The following GRIA1 variants were observed in gnomAD, a reference collection of about 807,000 sequenced individuals.
GRIA1 encodes the protein glutamate ionotropic receptor AMPA type subunit 1.
GRIA1 carries 31 observed loss-of-function variants against 99.2 expected under a neutral mutation model. The ratio of observed to expected loss-of-function variants is 0.31; its 90% CI spans 0.23 to 0.42. The LOEUF is 0.42. Ranked by LOEUF, GRIA1 falls within the 10% of genes least tolerant of loss-of-function variation. GRIA1 has a pLI of 1.00. For synonymous variants in GRIA1, 438 were observed against 432.4 expected, an observed-to-expected ratio of 1.01 and a Z score of -0.16; for missense variants, 782 against 1,157.5, an observed-to-expected ratio of 0.68 and a Z score of 4.71.
intron 15 of GRIA1, among the ~76,000 whole-genome samples, chr5:153,805,405 CT>C (rs1253003688): frequency 2.0e-5 from 3 of 152,158 alleles, no homozygotes; most frequent in Non-Finnish European, 4.4e-5. Flanking sequence ...AGGAGAAAAT[CT>C]CTTACAGGAT....
intron 2 of GRIA1, among the ~76,000 whole-genome samples, chr5:153,560,995 G>A (rs1245219375): frequency 2.6e-5 from 4 of 152,114 alleles, no homozygotes; most frequent in Non-Finnish European, 5.9e-5. Flanking sequence ...TTTTTTTTAG[G>A]TTGATTCCTG....
rs538961573 is a variant in GRIA1 at position 153,556,897 on chromosome 5, T to C, written c.220+62832T>C. Among the ~76,000 whole-genome samples, 7 of 152,342 alleles carry C rather than the reference T, an allele frequency of 4.6e-5. No individual in the cohort carries two copies. In the South Asian group the frequency reaches 1.2e-3, roughly 27 times the overall value. ...AGAGTGTTACTTACACAAATCTAAATGGTGTAGCCTACTACACACCTAGGC... is the reference window on the plus strand; with the variant it reads ...AGAGTGTTACTTACACAAATCTAAACGGTGTAGCCTACTACACACCTAGGC... On this transcript the variant is annotated intron_variant, in intron 2 of 15. Transcript: ENST00000285900.
intron 2 of GRIA1, among the ~76,000 whole-genome samples, chr5:153,498,827 C>T (rs1754690103): frequency 6.6e-6 from 1 of 152,154 alleles, no homozygotes; most frequent in Non-Finnish European, 1.5e-5. Flanking sequence ...TTTTTAAATA[C>T]ATAAACTCCC....
chr5:153,631,738 G>A (rs570169288), intron 2 of GRIA1, among the ~76,000 whole-genome samples: 10 of 152,222 alleles, frequency 6.6e-5, no homozygotes, highest in African/African-American at 1.4e-4. Flanking sequence ...TGCCATCCAC[G>A]TTGCATCAGT....
At chr5:153,724,275 A>G (rs1760327373) in intron 11 of GRIA1, among the ~76,000 whole-genome samples, 1 of 126,084 alleles carries the variant, frequency 7.9e-6, no homozygotes, top group Admixed American at 8.3e-5. Flanking sequence ...CCAAAAGTAG[A>G]TAAAACCACA....
At chr5:153,772,875 CA>C (rs960613917) in intron 13 of GRIA1, among the ~76,000 whole-genome samples, 3 of 152,158 alleles carry the variant, frequency 2.0e-5, no homozygotes, top group African/African-American at 7.2e-5. Context: ...CAAGGACATC[CA>C]CATAAATACA....
At position 153,741,934 on chromosome 5, in the gene GRIA1, TA is replaced by T. The variant is rs34742536; in HGVS notation, c.1824-22484del. ...TAACGTATAAAACTAAAGCTTTTTT[TA>T]AAAAAAAAAAAAAAAGAAAAAGAGG... On this transcript the variant is annotated intron_variant, in intron 11 of 15. Coordinates refer to ENST00000285900, the MANE Select transcript of GRIA1 (RefSeq NM_000827.4). 6.2e-3 allele frequency among the ~76,000 whole-genome samples: 892 copies of T among 144,896 alleles called. 7 individuals carry two copies. Among genetic ancestry groups the T allele is most frequent in the African/African-American group, 0.012 (463 of 38,962 alleles).
chr5:153,744,114 T>TCTC (rs1434857307), intron 11 of GRIA1, among the ~76,000 whole-genome samples: 1 of 152,056 alleles, frequency 6.6e-6, no homozygotes, highest in Admixed American at 6.6e-5. Context: ...GCCGGCTGTG[T>TCTC]CTCCAATTAT....
At chr5:153,662,874 C>T (rs1414371887) in intron 5 of GRIA1, among the ~76,000 whole-genome samples, 1 of 152,116 alleles carries the variant, frequency 6.6e-6, no homozygotes, top group Non-Finnish European at 1.5e-5. Flanking sequence ...TCCTACTCCC[C>T]ACTGTGCCCC....
intron 2 of GRIA1, among the ~76,000 whole-genome samples, chr5:153,627,972 AGATGG>A (rs1355085869): frequency 6.6e-6 from 1 of 152,032 alleles, no homozygotes; most frequent in Non-Finnish European, 1.5e-5. Flanking sequence ...TCACTGGATA[AGATGG>A]GAGGCAAACC....
chr5:153,560,749 C>T (rs1196819962), intron 2 of GRIA1, among the ~76,000 whole-genome samples: 2 of 152,190 alleles, frequency 1.3e-5, no homozygotes, highest in Non-Finnish European at 2.9e-5. Context: ...TAGTCTAATA[C>T]AGAGGCTTTG....
At chr5:153,715,457 G>A (rs1759602943) in intron 11 of GRIA1, among the ~76,000 whole-genome samples, 1 of 151,994 alleles carries the variant, frequency 6.6e-6, no homozygotes, top group South Asian at 2.1e-4. Context: ...GGCCGGCTGG[G>A]ATTGAATTCT....
chr5:153,630,256 T>TATCATCATCATCATCATC (rs3037009), intron 2 of GRIA1, among the ~76,000 whole-genome samples: 7 of 151,112 alleles, frequency 4.6e-5, no homozygotes, highest in African/African-American at 1.5e-4. Flanking sequence ...TAATGATAAT[T>TATCATCATCATCATCATC]ATCATCATCA....
At position 153,639,378 on chromosome 5, in the gene GRIA1, C is replaced by T. The variant is rs150062186; in HGVS notation, c.221-7550C>T. ...ATCTCTACTGCTTTCCTCCTTTCCC[C>T]CTATACTGTGTCCACATGGGCCTTC... On this transcript the variant is annotated intron_variant, in intron 2 of 15. Coordinates refer to ENST00000285900, the MANE Select transcript of GRIA1 (RefSeq NM_000827.4). Among the ~76,000 whole-genome samples, 8 of 152,324 alleles carry T rather than the reference C, an allele frequency of 5.3e-5. No homozygotes were observed. In the East Asian group the frequency reaches 1.5e-3, roughly 29 times the overall value.
At chr5:153,549,965 A>G (rs746331006) in intron 2 of GRIA1, among the ~76,000 whole-genome samples, 1 of 152,176 alleles carries the variant, frequency 6.6e-6, no homozygotes, top group East Asian at 1.9e-4. Context: ...ATCGCTTACT[A>G]TCGGTATGAA....
At chr5:153,609,812 C>T (rs898447420) in intron 2 of GRIA1, among the ~76,000 whole-genome samples, 1 of 152,048 alleles carries the variant, frequency 6.6e-6, no homozygotes, top group African/African-American at 2.4e-5. Flanking sequence ...CTGCCGGCCT[C>T]GGCCTCCCAA....
chr5:153,806,801 A>G (rs1253428950), intron 15 of GRIA1, among the ~76,000 whole-genome samples: 2 of 152,234 alleles, frequency 1.3e-5, no homozygotes, highest in Admixed American at 6.5e-5. Context: ...TTCATTAACC[A>G]TGCAATAAGT....
At chr5:153,504,506 A>AG (rs1382442159) in intron 2 of GRIA1, among the ~76,000 whole-genome samples, 8 of 152,132 alleles carry the variant, frequency 5.3e-5, no homozygotes, top group Non-Finnish European at 1.2e-4. Flanking sequence ...AAATTCAGAC[A>AG]GGCTGGAGCT....
At chr5:153,559,910 C>G (rs1422008018) in intron 2 of GRIA1, among the ~76,000 whole-genome samples, 1 of 152,190 alleles carries the variant, frequency 6.6e-6, no homozygotes, top group Non-Finnish European at 1.5e-5. Flanking sequence ...CAACCCCACT[C>G]ACCTATCTGT....
Sources: gnomAD v4.1 joint callset for allele counts (sites outside exome capture counted in the v4.1 genomes callset) on GRCh38, gnomAD v4.1.1 for gene constraint, MANE v1.5 for transcripts, NCBI Gene and HGNC (gene_info 2026-07-23, HGNC 2026-07-21) for gene names.